PLCH2: variants seen among roughly 807,000 people sequenced by gnomAD.
PLCH2 encodes 1-phosphatidylinositol 4,5-bisphosphate phosphodiesterase eta-2.
A neutral mutation model predicts 134.7 loss-of-function variants in PLCH2; 98 were observed. The ratio of observed to expected loss-of-function variants is 0.73; its 90% CI spans 0.62 to 0.86. The LOEUF (loss-of-function observed/expected upper bound fraction) is 0.86, where lower values mean the gene tolerates loss of function less well. Ranked by LOEUF, PLCH2 falls within the 40% of genes least tolerant of loss-of-function variation. The pLI, the probability that PLCH2 is intolerant of heterozygous loss-of-function variation, is 0.00. For synonymous variants in PLCH2, 974 were observed against 827.5 expected, an observed-to-expected ratio of 1.18 and a Z score of -3.04; for missense variants, 1,994 against 1,986.6, an observed-to-expected ratio of 1.00 and a Z score of -0.07.
chr1:2,452,035 G>A (rs959381084), intron 2 of PLCH2, among the ~76,000 whole-genome samples: 2 of 152,192 alleles, frequency 1.3e-5, no homozygotes, highest in East Asian at 1.9e-4. Context: ...AGAGACTTCC[G>A]TCTGGGCCCC....
chr1:2,475,322 C>G (rs1217688787), upstream of PLCH2, among the ~76,000 whole-genome samples: 1 of 141,982 alleles, frequency 7.0e-6, no homozygotes, highest in Non-Finnish European at 1.5e-5. Context: ...GTTGCTGGAG[C>G]CAGTAGAGCC....
chr1:2,502,017 C>A, intron 20 of PLCH2, 95 bp from the exon 21 acceptor site: 1 of 1,163,032 alleles, frequency 8.6e-7, no homozygotes, highest in Non-Finnish European at 1.2e-6. Flanking sequence ...ACGCATGGCA[C>A]GTCTGTGGCA....
intron 1 of PLCH2, among the ~76,000 whole-genome samples, chr1:2,471,088 A>G (rs1158785504): frequency 6.6e-6 from 1 of 152,050 alleles, no homozygotes; most frequent in East Asian, 1.9e-4. Context: ...GAAATGGGCT[A>G]TTAATAGGGT....
intron 2 of PLCH2, among the ~76,000 whole-genome samples, chr1:2,459,683 G>A (rs566442955): frequency 7.4e-6 from 1 of 134,664 alleles, no homozygotes; most frequent in African/African-American, 3.0e-5. Flanking sequence ...CTTCCTTTCC[G>A]GTGGTCTTCC....
In PLCH2 at chr1:2,480,359, G is replaced by A. The variant is rs180681883; in HGVS notation, c.645+47G>A. 83 of 1,590,016 alleles carry A rather than the reference G, an allele frequency of 5.2e-5. No individual in the cohort carries two copies. In the Admixed American group the frequency reaches 8.2e-4, roughly 16 times the overall value. ...CTGGGCTCCAGAGCCAGGGCTGCAC[G>A]GGGGCTGTGCTTGTGTGGCTGGGAG... On this transcript the variant is annotated intron_variant, in intron 4 of 21. Coordinates refer to ENST00000378486, the MANE Select transcript of PLCH2 (RefSeq NM_014638.4).
At chr1:2,427,386 T>C (rs1638851472) in intron 1 of PLCH2, among the ~76,000 whole-genome samples, 1 of 152,130 alleles carries the variant, frequency 6.6e-6, no homozygotes. Flanking sequence ...CAGCCGCCCC[T>C]GCTGGTGGTT....
At chr1:2,429,880 C>T (rs1168588055) in intron 1 of PLCH2, among the ~76,000 whole-genome samples, 7 of 152,124 alleles carry the variant, frequency 4.6e-5, no homozygotes, top group South Asian at 4.1e-4. Flanking sequence ...CTGGGGGGGC[C>T]GGCCTCAGAG....
At chr1:2,446,440 GGCAGAAGCAGGAGCTGTGT>G (rs1639945338) in intron 2 of PLCH2, among the ~76,000 whole-genome samples, 1 of 152,216 alleles carries the variant, frequency 6.6e-6, no homozygotes, top group Admixed American at 6.5e-5. Flanking sequence ...TGGGGCCCCA[GGCAGAAGCAGGAGCTGTGT>G]GCCTCAGGCC....
At chr1:2,430,227 C>T (rs60149985) in intron 1 of PLCH2, 33,411 of 152,372 alleles carry the variant, frequency 0.22, 3,989 homozygotes, top group African/African-American at 0.3. Flanking sequence ...TGCAATGCAG[C>T]GCCTGCCAGC....
At chr1:2,493,659 A>T (rs1642714247) in intron 11 of PLCH2, 1 of 152,372 alleles carries the variant, frequency 6.6e-6, no homozygotes, top group Non-Finnish European at 1.5e-5. Flanking sequence ...TACCCAGAGC[A>T]CAGGGAGGCT....
intron 3 of PLCH2, 38 bp from the exon 4 acceptor site, chr1:2,480,145 G>T (rs1450741683): frequency 3.7e-6 from 6 of 1,610,932 alleles, no homozygotes; most frequent in African/African-American, 2.7e-5. Context: ...TCAGGGCTGG[G>T]CCCATGGATC....
the PLCH2 span, among the ~76,000 whole-genome samples, chr1:2,419,619 C>T: frequency 1.3e-5 from 2 of 152,228 alleles, no homozygotes; most frequent in African/African-American, 4.8e-5. Flanking sequence ...TCTACCACCC[C>T]ACCACCTCAC....
intron 2 of PLCH2, among the ~76,000 whole-genome samples, chr1:2,445,010 A>G (rs565336122): frequency 6.6e-6 from 1 of 152,140 alleles, no homozygotes; most frequent in Admixed American, 6.5e-5. Flanking sequence ...CCACTGTCCT[A>G]TCTCCTGCTT....
In PLCH2 at chr1:2,491,297, G is replaced by A. The variant is rs777527829; in HGVS notation, c.1621G>A (p.Val541Ile). ...CTGTGAGGACCCCAACAACTTCTCC[G>A]TCTCCACACTGTCCCCATCTGGAAA... ...RDCEDPNNFSVSTLSPSGKLG... is the reference protein window; with the variant it reads ...RDCEDPNNFSISTLSPSGKLG... Residue 541 changes from valine to isoleucine, a missense_variant, in exon 11 of 22, where the codon GTC (valine) becomes ATC (isoleucine). Around this residue, in one of 2 missense-constraint regions of PLCH2, gnomAD observed 1,094 missense variants for 1,234.3 expected, o/e 0.89. Coordinates refer to ENST00000378486, the MANE Select transcript of PLCH2 (RefSeq NM_014638.4). The A allele has an allele frequency of 1.9e-5, 31 of 1,613,164 alleles. No individual in the cohort carries two copies. The highest frequency in any genetic ancestry group is 1.2e-4 in the African/African-American group (9 of 74,912).
intron 20 of PLCH2, 30 bp downstream of exon 20, chr1:2,499,750 A>G (rs1489777166): frequency 6.6e-7 from 1 of 1,509,730 alleles, no homozygotes; most frequent in Non-Finnish European, 9.0e-7. Flanking sequence ...ACCAGCCATC[A>G]TGGGGAGGGG....
chr1:2,487,326 G>A lies in PLCH2; in HGVS notation c.1064G>A (p.Arg355Gln), dbSNP rs375075004. 251 of 1,613,786 alleles carry A rather than the reference G, an allele frequency of 1.6e-4. 1 individual carries two copies. Among genetic ancestry groups the A allele is most frequent in the South Asian group, 5.7e-4 (52 of 91,072 alleles). The change falls in exon 7 of 22, where the codon CGG becomes CAG. Residue 355 changes from arginine to glutamine, a missense_variant. Coordinates refer to ENST00000378486, the MANE Select transcript of PLCH2 (RefSeq NM_014638.4). ...GGTGACCAGCTCATGTCCCAGTCACGGGTGGACATGTATGCTTGGGTCCTG... is the reference window on the plus strand; with the variant it reads ...GGTGACCAGCTCATGTCCCAGTCACAGGTGGACATGTATGCTTGGGTCCTG... ...LVGDQLMSQS[R>Q]VDMYAWVLQA...
chr1:2,424,953 T>C (rs2100465324), upstream of PLCH2, among the ~76,000 whole-genome samples: 1 of 152,082 alleles, frequency 6.6e-6, no homozygotes, highest in South Asian at 2.1e-4. Flanking sequence ...TCCACTGCAC[T>C]CCATCCTGGG....
intron 2 of PLCH2, among the ~76,000 whole-genome samples, chr1:2,460,411 G>A (rs1640756740): frequency 6.6e-6 from 1 of 152,210 alleles, no homozygotes; most frequent in Non-Finnish European, 1.5e-5. Context: ...CTGATGGCTA[G>A]GGGTATGGAA....
At chr1:2,418,606 A>G in the PLCH2 span, among the ~76,000 whole-genome samples, 2 of 152,174 alleles carry the variant, frequency 1.3e-5, no homozygotes, top group Admixed American at 6.5e-5. Flanking sequence ...CCGATGGACA[A>G]TAAGGGCTCC....
Sources: gnomAD v4.1 joint callset for allele counts (sites outside exome capture counted in the v4.1 genomes callset) on GRCh38, gnomAD v4.1.1 for gene constraint, gnomAD v4.1.1 regional missense constraint, MANE v1.5 for transcripts, NCBI Gene and HGNC (gene_info 2026-07-23, HGNC 2026-07-21) for gene names.